Variants in MST1R observed in about 807,000 individuals in gnomAD.
The protein encoded by MST1R is macrophage-stimulating protein receptor.
In MST1R, 99 loss-of-function variants were observed where a neutral mutation model predicts 117.8. The observed-to-expected ratio is 0.84, with a 90% CI of 0.71 to 0.99. The LOEUF (loss-of-function observed/expected upper bound fraction) is 0.99. Among genes scored for constraint, MST1R ranks in the 50% least tolerant of loss-of-function variants. The pLI is 0.00. For synonymous variants in MST1R, 734 were observed against 765.3 expected (o/e 0.96, Z 0.68); for missense variants, 1,683 against 1,840.2 (o/e 0.91, Z 1.56).
intron 19 of MST1R, 121 bp downstream of exon 19, chr3:49,889,803 G>A (rs1162468582): frequency 4.8e-6 from 6 of 1,238,602 alleles, no homozygotes; most frequent in East Asian, 2.5e-5. Flanking sequence ...GAGGCCCAGC[G>A]AGAGTCCCTT....
rs778736623 is a variant in MST1R at position 49,903,406 on chromosome 3, A to G, written c.204T>C (p.Ser68=). 2 of 1,613,932 alleles carry G rather than the reference A, an allele frequency of 1.2e-6. No individual in the cohort carries two copies. Among genetic ancestry groups the G allele is most frequent in the South Asian group, 2.2e-5 (2 of 91,090 alleles). ...GATTGCGTATGGCTACAAACACAGC[A>G]CTCTCATTTCTGTCGCCCTCGTAGG... The part of the protein sequence containing the change: ...MVTYEGDRNE[S]AVFVAIRNRL... Residue 68 remains serine (S), a synonymous_variant, in exon 1 of 20, where the codon AGT becomes AGC. Transcript: ENST00000296474.
In MST1R at chr3:49,892,562, G is replaced by A. The variant is rs542132144; in HGVS notation, c.3272-724C>T. ...AAGCAGCAGAAGCCAAGCGCAGTGC[G>A]CCTGTAATCCCAGTTACTCAGGAGG... On this transcript the variant is annotated intron_variant, in intron 14 of 19. Transcript: ENST00000296474. 2.6e-3 allele frequency among the ~76,000 whole-genome samples: 388 copies of A among 151,700 alleles called. 2 individuals are homozygous for A. Among genetic ancestry groups the A allele is most frequent in the Non-Finnish European group, 4.4e-3 (299 of 67,972 alleles).
chr3:49,902,862 C>A lies in MST1R; in HGVS notation c.748G>T (p.Val250Leu), dbSNP rs769946639. The change falls in exon 1 of 20, where the codon GTG (valine) becomes TTG (leucine). Residue 250 changes from valine (V) to leucine (L), a missense_variant. Val to Leu is a conservative substitution (Grantham distance 32). Transcript: ENST00000296474. ...AAGGCTCCCGTGTGGAAGCTGTGCA[C>A]GTATTCAATACTGTAGGAGACAAGA... Reference protein sequence around the residue: ...KHLVSYSIEYVHSFHTGAFVY... With the variant: ...KHLVSYSIEYLHSFHTGAFVY... 1 of 1,613,604 alleles carries A rather than the reference C, an allele frequency of 6.2e-7. No homozygotes were observed. The highest frequency in any genetic ancestry group is 1.1e-5 in the South Asian group (1 of 91,092).
chr3:49,903,258 T>C lies in MST1R; in HGVS notation c.352A>G (p.Thr118Ala). The C allele has an allele frequency of 1.2e-6, 2 of 1,609,466 alleles. No individual in the cohort carries two copies. The highest frequency in any genetic ancestry group is 1.3e-5 in the African/African-American group (1 of 75,076). The part of the protein sequence containing the change: ...GPGPHGPPGD[T>A]DTKVLVLDPA... The stretch of plus-strand genomic sequence containing the variant: ...TCCAGCACCAGCACCTTTGTGTCTG[T>C]GTCACCGGGAGGGCCGTGGGGTCCT... The change falls in exon 1 of 20, where the codon ACA (threonine) becomes GCA (alanine). Residue 118 changes from threonine to alanine, a missense_variant. Physicochemically the swap from Thr to Ala is moderately conservative, Grantham distance 58. Transcript: ENST00000296474.
chr3:49,895,115 CTA>C (rs1459721565), intron 14 of MST1R, 50 bp downstream of exon 14: 5 of 1,602,810 alleles, frequency 3.1e-6, no homozygotes, highest in Non-Finnish European at 3.4e-6. Flanking sequence ...CTGGCCTAGC[CTA>C]TGTCATCTTG....
At position 49,898,924 on chromosome 3, in the gene MST1R, G is replaced by A. The variant is rs763253308; in HGVS notation, c.1491C>T (p.Pro497=). ...SNFSLGDSGQ[P]VQRDVSRLGD... ...CAAGACGACTGACATCCCGCTGCAC[G>A]GGCTGCCCACTGTCACCCAGTGAGA... The change falls in exon 3 of 20, where the codon CCC becomes CCT. Residue 497 remains proline (P), a synonymous_variant. Transcript: ENST00000296474. The A allele has an allele frequency of 9.3e-6, 15 of 1,614,040 alleles. No individual in the cohort carries two copies. The highest frequency in any genetic ancestry group is 1.7e-5 in the Admixed American group (1 of 59,998).
chr3:49,896,549 C>T lies in MST1R; in HGVS notation c.2430G>A (p.Val810=). The change falls in exon 9 of 20, where the codon GTG becomes GTA. Residue 810 remains valine (V), a synonymous_variant. Transcript: ENST00000296474. ...GCCAGCACTCACTCACCCTGCTTTC[C>T]ACTGCCCTAAGCCCGTCATGGAATG... The part of the protein sequence containing the change: ...VLSFHDGLRA[V]ESRCERQLPE... 1.2e-6 allele frequency: 2 copies of T among 1,614,200 alleles called. No homozygotes were observed. The highest frequency in any genetic ancestry group is 1.7e-6 in the Non-Finnish European group (2 of 1,180,036).
At chr3:49,898,465 C>T in intron 4 of MST1R, 53 bp downstream of exon 4, 3 of 1,587,944 alleles carry the variant, frequency 1.9e-6, no homozygotes, top group Non-Finnish European at 2.6e-6. Flanking sequence ...CTGACCACCA[C>T]CCCAGGCCCA....
intron 19 of MST1R, among the ~76,000 whole-genome samples, chr3:49,889,501 C>T (rs2082252339): frequency 2.0e-5 from 3 of 152,168 alleles, no homozygotes. Context: ...GCAGCTGCCG[C>T]CATCCCTCCA....
chr3:49,900,769 C>T (rs1426551171), intron 1 of MST1R, among the ~76,000 whole-genome samples: 3 of 152,156 alleles, frequency 2.0e-5, no homozygotes, highest in Admixed American at 1.3e-4. Flanking sequence ...GCCTGCTTGT[C>T]CCTAGCCCCA....
chr3:49,891,582 T>C lies in MST1R; in HGVS notation c.3353-2A>G. The stretch of plus-strand genomic sequence containing the variant: ...CCACCTGCTGCATCTCTGTGATGCC[T>C]GCAGAGCAGCGCAAGTCAGGCACAG... On this transcript the variant is annotated splice_acceptor_variant, in intron 15 of 19. Coordinates refer to ENST00000296474, the MANE Select transcript of MST1R (RefSeq NM_002447.4). LOFTEE classifies it high-confidence loss of function. The C allele has an allele frequency of 6.2e-7, 1 of 1,613,728 alleles. No individual in the cohort carries two copies. The highest frequency in any genetic ancestry group is 8.5e-7 in the Non-Finnish European group (1 of 1,179,926).
intron 19 of MST1R, among the ~76,000 whole-genome samples, chr3:49,888,808 G>A (rs190962301): frequency 3.9e-5 from 6 of 152,138 alleles, no homozygotes; most frequent in African/African-American, 1.4e-4. Context: ...TGGTACTGTT[G>A]TCTCCACTTT....
At chr3:49,899,579 TTTTTTTTTTTTTTTG>T in intron 1 of MST1R, 1 of 297,158 alleles carries the variant, frequency 3.4e-6, no homozygotes, top group African/African-American at 2.5e-5. Flanking sequence ...TTTTTTTTTT[TTTTTTTTTTTTTTTG>T]AGACGGAGTC....
At chr3:49,888,415 A>G (rs577274531) in intron 19 of MST1R, among the ~76,000 whole-genome samples, 1 of 149,692 alleles carries the variant, frequency 6.7e-6, no homozygotes, top group East Asian at 2.0e-4. Flanking sequence ...CAGCCTGGGC[A>G]ACAGAGCGAG....
In MST1R at chr3:49,887,347, C is replaced by T. The variant is rs750299816; in HGVS notation, c.4163G>A (p.Arg1388His). 2.5e-6 allele frequency: 4 copies of T among 1,614,088 alleles called. No individual in the cohort carries two copies. Among genetic ancestry groups the T allele is most frequent in the South Asian group, 1.1e-5 (1 of 91,090 alleles). ...PQFSPMPGNV[R>H]RPRPLSEPPR... is the part of the protein sequence containing the mutation. ...AGGCTCTGAGAGTGGCCGGGGCCGG[C>T]GTACATTCCCTGGCATGGGTGAGAA... Residue 1388 changes from arginine to histidine, a missense_variant, in exon 20 of 20, where the codon CGC becomes CAC. By Grantham distance (29) the Arg-to-His change is conservative. Coordinates refer to ENST00000296474, the MANE Select transcript of MST1R (RefSeq NM_002447.4).
Position 49,898,870 on chromosome 3 carries a change from G to A in MST1R, c.1545C>T (p.Asp515=). 6.2e-7 allele frequency: 1 copy of A among 1,614,076 alleles called. No homozygotes were observed. Among genetic ancestry groups the A allele is most frequent in the East Asian group, 2.2e-5 (1 of 44,886 alleles). ...GCCCTGCCCCTGCCCACCTCACCTG[G>A]TCCCCAGAGGCAAAGAGTAGGTGGT... The part of the protein sequence containing the change: ...LGDHLLFASG[D]QVFQVPIQGP... The change falls in exon 3 of 20, where the codon GAC becomes GAT. Residue 515 remains aspartate, a synonymous_variant. Transcript: ENST00000296474.
Position 49,898,516 on chromosome 3 carries a change from A to G in MST1R, c.1719+2T>C. 1.2e-6 allele frequency: 2 copies of G among 1,612,984 alleles called. No homozygotes were observed. The highest frequency in any genetic ancestry group is 1.7e-6 in the Non-Finnish European group (2 of 1,179,696). On this transcript the variant is annotated splice_donor_variant, in intron 4 of 19. Coordinates refer to ENST00000296474, the MANE Select transcript of MST1R (RefSeq NM_002447.4). LOFTEE classifies it high-confidence loss of function. ...ACCTGTGCCCTGCCAGGGAAGCCATACCTCAGTAAGCTTAGGTGGGCAGTG... is the reference window on the plus strand; with the variant it reads ...ACCTGTGCCCTGCCAGGGAAGCCATGCCTCAGTAAGCTTAGGTGGGCAGTG...
chr3:49,890,674 A>C, intron 17 of MST1R, 24 bp from the exon 18 acceptor site: 1 of 1,592,222 alleles, frequency 6.3e-7, no homozygotes, highest in Non-Finnish European at 8.6e-7. Context: ...AGAGGATCAC[A>C]CTTAGGACTG....
rs761926839 is a variant in MST1R, at chr3:49,887,494, C to G, written c.4016G>C (p.Gly1339Ala). The change falls in exon 20 of 20, where the codon GGG (glycine) becomes GCG (alanine). Residue 1339 changes from glycine (G) to alanine (A), a missense_variant. By Grantham distance (60) the Gly-to-Ala change is moderately conservative (BLOSUM62 0). Coordinates refer to ENST00000296474, the MANE Select transcript of MST1R (RefSeq NM_002447.4). ...TGCAGACACTATCTGCTCCACCTCC[C>G]CCACTAGTACTCTGAAGGTGGGTCG... is the stretch of plus-strand genomic sequence containing the variant. ...AVRPTFRVLV[G>A]EVEQIVSALL... 6.2e-7 allele frequency: 1 copy of G among 1,614,104 alleles called. No homozygotes were observed. Among genetic ancestry groups the G allele is most frequent in the African/African-American group, 1.3e-5 (1 of 74,948 alleles).
Sources: allele counts gnomAD v4.1 joint callset (sites outside exome capture counted in the v4.1 genomes callset), GRCh38; gene constraint gnomAD v4.1.1; transcripts MANE v1.5; gene names NCBI Gene and HGNC (gene_info 2026-07-23, HGNC 2026-07-21).